The following BCAP29 variants were observed in gnomAD, a reference collection of about 807,000 sequenced individuals.
BCAP29 encodes B-cell receptor-associated protein 29.
In BCAP29, 34 loss-of-function variants were observed where a neutral mutation model predicts 31.8. The ratio of observed to expected loss-of-function variants is 1.07; its 90% CI spans 0.81 to 1.42. The LOEUF is 1.42. Ranked by LOEUF, BCAP29 falls within the 40% of genes most tolerant of loss-of-function variation. BCAP29 has a pLI of 0.00. For missense variants in BCAP29, 314 were observed against 269.2 expected (o/e 1.17, Z -1.16); for synonymous variants, 104 against 91.3 (o/e 1.14, Z -0.79).
At chr7:107,603,084 C>T (rs1811461014) in intron 6 of BCAP29, among the ~76,000 whole-genome samples, 1 of 149,950 alleles carries the variant, frequency 6.7e-6, no homozygotes, top group South Asian at 2.1e-4. Context: ...ATTCTCCAGC[C>T]TCAGCCTCCC....
At chr7:107,620,954 G>A (rs1814909886), downstream of BCAP29, 1 of 152,262 alleles carries the variant, frequency 6.6e-6, no homozygotes, top group Non-Finnish European at 1.5e-5. Context: ...CCCATTCTGG[G>A]AGTTGTTAGT....
At chr7:107,596,090 A>G (rs1809768652) in intron 5 of BCAP29, 88 bp downstream of exon 5, 3 of 1,172,060 alleles carry the variant, frequency 2.6e-6, no homozygotes, top group African/African-American at 1.6e-5. Flanking sequence ...GAGCATTTTT[A>G]TATTTTATAA....
intron 3 of BCAP29, among the ~76,000 whole-genome samples, chr7:107,590,473 T>G (rs1454117382): frequency 6.6e-6 from 1 of 152,170 alleles, no homozygotes; most frequent in Non-Finnish European, 1.5e-5. Context: ...GCTTAAAGAT[T>G]GCAAAGAAAG....
chr7:107,614,726 A>G (rs546282723), intron 7 of BCAP29, among the ~76,000 whole-genome samples: 10 of 152,250 alleles, frequency 6.6e-5, no homozygotes, highest in Non-Finnish European at 1.5e-4. Flanking sequence ...GCAAAAGACA[A>G]GGTAGCCAGA....
At chr7:107,598,758 A>G (rs896187563) in intron 5 of BCAP29, among the ~76,000 whole-genome samples, 7 of 151,690 alleles carry the variant, frequency 4.6e-5, no homozygotes, top group South Asian at 2.1e-4. Flanking sequence ...TTACCTGACT[A>G]TAGAACCTGT....
chr7:107,589,509 C>T (rs1808337573), intron 3 of BCAP29, among the ~76,000 whole-genome samples: 1 of 152,186 alleles, frequency 6.6e-6, no homozygotes, highest in African/African-American at 2.4e-5. Context: ...TCTAATGCCA[C>T]CACTGATCTG....
chr7:107,583,307 T>TAC (rs1272242073), intron 2 of BCAP29, among the ~76,000 whole-genome samples: 2 of 152,100 alleles, frequency 1.3e-5, no homozygotes, highest in African/African-American at 4.8e-5. Flanking sequence ...GTTTTATATA[T>TAC]ATATATATAG....
downstream of BCAP29, chr7:107,622,553 A>C (rs975537770): frequency 1.3e-5 from 2 of 152,204 alleles, no homozygotes; most frequent in Non-Finnish European, 2.9e-5. Context: ...TTCTTACCCT[A>C]TTTTATTTTC....
At chr7:107,607,759 C>T (rs1812381639) in intron 6 of BCAP29, among the ~76,000 whole-genome samples, 1 of 151,750 alleles carries the variant, frequency 6.6e-6, no homozygotes, top group Non-Finnish European at 1.5e-5. Context: ...TCTGCTTCAG[C>T]CTCCCGAGCA....
At chr7:107,580,662 C>T in intron 1 of BCAP29, 97 bp from the exon 2 acceptor site, 1 of 783,196 alleles carries the variant, frequency 1.3e-6, no homozygotes, top group Admixed American at 3.0e-5. Context: ...GAAGGTGGAA[C>T]ACTGTCCATC....
chr7:107,618,601 AT>A lies in BCAP29; in HGVS notation c.*240del. On this transcript the variant is annotated 3_prime_UTR_variant, in exon 8 of 8. Transcript: ENST00000005259. ...AGCATGTTAAATACCATATTTACAT[AT>A]TGATAATGTCATTGGTATATGGTGG... is the stretch of plus-strand genomic sequence containing the variant. 1 of 1,574,774 alleles carries A rather than the reference AT, an allele frequency of 6.4e-7. No individual in the cohort carries two copies. Among genetic ancestry groups the A allele is most frequent in the Non-Finnish European group, 8.7e-7 (1 of 1,152,580 alleles).
intron 6 of BCAP29, among the ~76,000 whole-genome samples, chr7:107,608,131 G>A (rs1276680697): frequency 4.0e-5 from 6 of 150,844 alleles, no homozygotes; most frequent in Admixed American, 2.0e-4. Flanking sequence ...TTTCCATACC[G>A]TAATCTTTGT....
At chr7:107,594,984 A>T (rs981090764) in intron 4 of BCAP29, among the ~76,000 whole-genome samples, 4 of 152,100 alleles carry the variant, frequency 2.6e-5, no homozygotes, top group Non-Finnish European at 5.9e-5. Context: ...ACCCTTACAG[A>T]CCTTCACCAT....
In BCAP29 at chr7:107,618,561, C is replaced by T; in HGVS notation, c.*198C>T. On this transcript the variant is annotated 3_prime_UTR_variant, in exon 8 of 8. Coordinates refer to ENST00000005259, the MANE Select transcript of BCAP29 (RefSeq NM_018844.4). The stretch of plus-strand genomic sequence containing the variant: ...ATATTGCAAAGTCTGTATTCCAGCT[C>T]TTAAGAAAAATATAAGCATGTTAAA... 6.3e-7 allele frequency: 1 copy of T among 1,596,694 alleles called. No individual in the cohort carries two copies.
At chr7:107,605,772 C>T (rs1811976675) in intron 6 of BCAP29, among the ~76,000 whole-genome samples, 1 of 152,142 alleles carries the variant, frequency 6.6e-6, no homozygotes, top group South Asian at 2.1e-4. Context: ...TGCATGTTTA[C>T]TACAATCCTT....
chr7:107,583,911 G>A lies in BCAP29; in HGVS notation c.122G>A (p.Trp41Ter). The change falls in exon 3 of 8, where the codon TGG becomes TAG. Residue 41 changes from tryptophan to a stop codon, truncating the protein, a stop_gained. Coordinates refer to ENST00000005259, the MANE Select transcript of BCAP29 (RefSeq NM_018844.4). LOFTEE classifies it high-confidence loss of function. The part of the protein sequence containing the change: ...RWQKIFSFNV[W>*]GKIATFWNKA... The stretch of plus-strand genomic sequence containing the variant: ...CAGAAGATTTTTTCATTTAATGTCT[G>A]GGGTAAAATTGCAACTTTTTGGAAC... 2 of 1,578,820 alleles carry A rather than the reference G, an allele frequency of 1.3e-6. No individual in the cohort carries two copies. Among genetic ancestry groups the A allele is most frequent in the East Asian group, 2.3e-5 (1 of 43,468 alleles).
chr7:107,594,112 A>G lies in BCAP29; in HGVS notation c.344+7A>G, dbSNP rs1809370215. ...TTTCCCTATTTTTTTGGCTGTAAGT[A>G]AAAAATAATAATAGAAGCACAATTT... On this transcript the variant is annotated splice_region_variant and intron_variant, in intron 4 of 7. Transcript: ENST00000005259. 6.3e-7 allele frequency: 1 copy of G among 1,585,142 alleles called. No homozygotes were observed. The highest frequency in any genetic ancestry group is 1.1e-5 in the South Asian group (1 of 90,176).
chr7:107,588,187 A>C (rs1005600054), intron 3 of BCAP29, among the ~76,000 whole-genome samples: 1 of 152,204 alleles, frequency 6.6e-6, no homozygotes, highest in Non-Finnish European at 1.5e-5. Context: ...GCAAATTAGT[A>C]TGTTCATGGT....
At chr7:107,604,137 C>A (rs1266901966) in intron 6 of BCAP29, among the ~76,000 whole-genome samples, 1 of 152,082 alleles carries the variant, frequency 6.6e-6, no homozygotes, top group Non-Finnish European at 1.5e-5. Context: ...GGAAACAGAA[C>A]CCTTAGTCCC....
Sources: gnomAD v4.1 joint callset for allele counts (sites outside exome capture counted in the v4.1 genomes callset) on GRCh38, gnomAD v4.1.1 for gene constraint, MANE v1.5 for transcripts, NCBI Gene and HGNC (gene_info 2026-07-23, HGNC 2026-07-21) for gene names.